Variants in IGSF21 observed in about 807,000 individuals in gnomAD.
IGSF21 encodes immunoglobulin superfamily member 21.
Under a neutral mutation model 46.8 loss-of-function variants are expected in IGSF21, and 28 were observed. The ratio of observed to expected loss-of-function variants is 0.60; its 90% confidence interval spans 0.44 to 0.82. The LOEUF is 0.82. Ranked by LOEUF, IGSF21 falls within the 40% of genes least tolerant of loss-of-function variation. The probability of loss-of-function intolerance (pLI) is 0.00; values close to 1 mark genes in which losing one functional copy is unlikely to be tolerated. For synonymous variants in IGSF21, 284 were observed against 273.6 expected (o/e 1.04, Z -0.38); for missense variants, 624 against 665.5 (o/e 0.94, Z 0.69).
At chr1:18,173,888 G>T (rs1570299832) in intron 1 of IGSF21, among the ~76,000 whole-genome samples, 1 of 152,084 alleles carries the variant, frequency 6.6e-6, no homozygotes, top group African/African-American at 2.4e-5. Flanking sequence ...TGAGTAGCTG[G>T]GACTACAGGC....
At chr1:18,314,577 A>G (rs1037576954) in intron 3 of IGSF21, among the ~76,000 whole-genome samples, 10 of 152,132 alleles carry the variant, frequency 6.6e-5, no homozygotes, top group Non-Finnish European at 1.5e-4. Context: ...GCGCCCTCTC[A>G]TGATCCCTGC....
chr1:18,342,004 T>C (rs954013654), intron 4 of IGSF21, among the ~76,000 whole-genome samples: 3 of 152,076 alleles, frequency 2.0e-5, no homozygotes, highest in African/African-American at 7.2e-5. Flanking sequence ...TTTGTCTTTT[T>C]TCAGTATGTT....
chr1:18,343,315 T>G (rs969257967), intron 4 of IGSF21, among the ~76,000 whole-genome samples: 12 of 152,218 alleles, frequency 7.9e-5, no homozygotes, highest in African/African-American at 2.9e-4. Context: ...ATGATTGAGT[T>G]GTAAGAGTTC....
chr1:18,292,816 G>C (rs1334981702), intron 3 of IGSF21, among the ~76,000 whole-genome samples: 1 of 152,276 alleles, frequency 6.6e-6, no homozygotes, highest in South Asian at 2.1e-4. Flanking sequence ...CTGGTCGGCT[G>C]CAACTGCCCC....
intron 1 of IGSF21, among the ~76,000 whole-genome samples, chr1:18,163,789 T>C (rs576532682): frequency 2.8e-4 from 43 of 152,340 alleles, no homozygotes; most frequent in Non-Finnish European, 5.9e-4. Context: ...ATGTCTTCTC[T>C]GACTTCACTG....
At chr1:18,341,012 C>CTCTTCTTCTTCTTCT (rs10536109) in intron 4 of IGSF21, among the ~76,000 whole-genome samples, 7 of 85,082 alleles carry the variant, frequency 8.2e-5, no homozygotes, top group East Asian at 3.8e-4. Flanking sequence ...CCTCCTTCTT[C>CTCTTCTTCTTCTTCT]TCTTCTTCTT....
chr1:18,302,267 C>T (rs150835122), intron 3 of IGSF21, among the ~76,000 whole-genome samples: 3 of 152,280 alleles, frequency 2.0e-5, no homozygotes, highest in African/African-American at 4.8e-5. Context: ...GCCCAGGGAG[C>T]GCCCCATGCA....
chr1:18,222,241 T>C (rs1226475423), intron 1 of IGSF21, among the ~76,000 whole-genome samples: 1 of 152,216 alleles, frequency 6.6e-6, no homozygotes, highest in African/African-American at 2.4e-5. Flanking sequence ...TCTAGTTTTA[T>C]GTCCTCTGCC....
At chr1:18,374,531 CA>C (rs199732834) in intron 6 of IGSF21, among the ~76,000 whole-genome samples, 2,786 of 152,270 alleles carry the variant, frequency 0.018, 79 homozygotes, top group African/African-American at 0.063. Flanking sequence ...GTGGCCCTTC[CA>C]CACGACTGGC....
At chr1:18,331,394 T>C (rs1445527174) in intron 3 of IGSF21, among the ~76,000 whole-genome samples, 3 of 152,244 alleles carry the variant, frequency 2.0e-5, no homozygotes, top group African/African-American at 7.2e-5. Flanking sequence ...TCCCTTAGAA[T>C]AGGGGTCTCC....
chr1:18,298,293 G>A (rs111899716), intron 3 of IGSF21, among the ~76,000 whole-genome samples: 4 of 151,390 alleles, frequency 2.6e-5, no homozygotes, highest in African/African-American at 9.8e-5. Flanking sequence ...CGAAGACAAA[G>A]CCGTCCACAG....
At chr1:18,277,121 G>C (rs978962708) in intron 2 of IGSF21, among the ~76,000 whole-genome samples, 1 of 152,178 alleles carries the variant, frequency 6.6e-6, no homozygotes, top group South Asian at 2.1e-4. Flanking sequence ...TCCCTGGGCT[G>C]TTGCTTCTGC....
intron 1 of IGSF21, among the ~76,000 whole-genome samples, chr1:18,125,125 T>A (rs1403305540): frequency 6.6e-6 from 1 of 152,062 alleles, no homozygotes; most frequent in Admixed American, 6.6e-5. Flanking sequence ...GGAGGCCCTG[T>A]CCCCCTGCCA....
intron 3 of IGSF21, among the ~76,000 whole-genome samples, chr1:18,326,007 G>C (rs1048997029): frequency 6.6e-6 from 1 of 152,140 alleles, no homozygotes; most frequent in East Asian, 1.9e-4. Flanking sequence ...GTGAGGAGGT[G>C]GGGGGAAGAG....
At chr1:18,143,546 C>T (rs954672436) in intron 1 of IGSF21, among the ~76,000 whole-genome samples, 1 of 152,164 alleles carries the variant, frequency 6.6e-6, no homozygotes, top group African/African-American at 2.4e-5. Context: ...GTGTCCAGCT[C>T]CCCACACCAC....
intron 1 of IGSF21, among the ~76,000 whole-genome samples, chr1:18,117,699 G>T (rs752749686): frequency 6.6e-6 from 1 of 152,216 alleles, no homozygotes; most frequent in Non-Finnish European, 1.5e-5. Context: ...TGAAGGGAAA[G>T]AAGTGTTTAT....
At chr1:18,121,682 C>T (rs1026087263) in intron 1 of IGSF21, among the ~76,000 whole-genome samples, 1 of 152,200 alleles carries the variant, frequency 6.6e-6, no homozygotes, top group Non-Finnish European at 1.5e-5. Context: ...TGCCCCGATG[C>T]AGGTCCATCT....
At chr1:18,257,608 A>G (rs2084904206) in intron 2 of IGSF21, among the ~76,000 whole-genome samples, 1 of 152,162 alleles carries the variant, frequency 6.6e-6, no homozygotes, top group Non-Finnish European at 1.5e-5. Context: ...AATTCTGGCC[A>G]ACAAACACTT....
At position 18,231,017 on chromosome 1, in the gene IGSF21, C is replaced by T. The variant is rs980069358; in HGVS notation, c.183+3007C>T. ...CCCGTCCCAGCTTCCTTTCTCCATC[C>T]TCCGTGAATGAGCTTACAGAGCCCG... On this transcript the variant is annotated intron_variant, in intron 2 of 9. Transcript: ENST00000251296. Among the ~76,000 whole-genome samples, 3 of 152,164 alleles carry T rather than the reference C, an allele frequency of 2.0e-5. No homozygotes were observed. In the East Asian group the frequency reaches 5.8e-4, roughly 30 times the overall value.
Sources: gnomAD v4.1 joint callset for allele counts (sites outside exome capture counted in the v4.1 genomes callset) on GRCh38, gnomAD v4.1.1 for gene constraint, MANE v1.5 for transcripts, NCBI Gene and HGNC (gene_info 2026-07-23, HGNC 2026-07-21) for gene names.